The following NUP93 variants were observed in gnomAD, a reference collection of about 807,000 sequenced individuals.
The protein encoded by NUP93 is nucleoporin 93, also known as nuclear pore complex protein Nup93.
NUP93 carries 55 observed loss-of-function variants against 107.8 expected under a neutral mutation model. The observed-to-expected ratio is 0.51, with a 90% confidence interval of 0.41 to 0.64. The LOEUF is 0.64. Ranked by LOEUF, NUP93 falls within the 30% of genes least tolerant of loss-of-function variation. The pLI is 0.00. For synonymous variants in NUP93, 390 were observed against 397.5 expected, an observed-to-expected ratio of 0.98 and a Z score of 0.22; for missense variants, 937 against 1,044.7, an observed-to-expected ratio of 0.90 and a Z score of 1.42.
intron 4 of NUP93, among the ~76,000 whole-genome samples, chr16:56,804,144 G>C (rs1963082001): frequency 6.6e-6 from 1 of 152,120 alleles, no homozygotes; most frequent in Non-Finnish European, 1.5e-5. Context: ...CAGCCTCTAT[G>C]GAAATAGTAT....
At chr16:56,771,055 A>G (rs898392643) in intron 3 of NUP93, among the ~76,000 whole-genome samples, 4 of 152,126 alleles carry the variant, frequency 2.6e-5, no homozygotes, top group African/African-American at 9.7e-5. Flanking sequence ...TTCATGAACA[A>G]CCCTTACATC....
At position 56,781,991 on chromosome 16, in the gene NUP93, A is replaced by G. The variant is rs1383268408; in HGVS notation, c.298-16485A>G. ...TTTGACTCTTTAGTGCTTCAGTCAC[A>G]TCAGCACTTGCAGAGGGGTTGTTCT... On this transcript the variant is annotated intron_variant, in intron 3 of 21. Transcript: ENST00000308159. The G allele has an allele frequency of 7.1e-6, 7 of 985,298 alleles. No homozygotes were observed. The African/African-American group carries it at 8.7e-5, about 12-fold the overall frequency. The allele number at this position is 985,298 out of a possible 1,614,324, so 61.0% of individuals were successfully genotyped here. A position where few individuals can be genotyped will look rare whatever the true frequency, so the allele number is the denominator to read the frequency against.
At chr16:56,743,707 G>A (rs1961774675) in intron 1 of NUP93, among the ~76,000 whole-genome samples, 1 of 152,158 alleles carries the variant, frequency 6.6e-6, no homozygotes, top group African/African-American at 2.4e-5. Flanking sequence ...TCAAAAAACT[G>A]AAAATTGCCA....
Position 56,823,714 on chromosome 16 carries a change from C to G in NUP93, c.662C>G (p.Ser221Cys), listed in dbSNP as rs1394965064. Residue 221 changes from serine to cysteine, a missense_variant, in exon 8 of 22, where the codon TCC becomes TGC. Transcript: ENST00000308159. ...AGTTTCATTTATGTGCAGAGCATTT[C>G]CGACATGTGGACCATGGTAAAACAA... ...SVAELDDKSISDMWTMVKQMT... is the reference protein window; with the variant it reads ...SVAELDDKSICDMWTMVKQMT... 1 of 1,613,932 alleles carries G rather than the reference C, an allele frequency of 6.2e-7. No homozygotes were observed. The highest frequency in any genetic ancestry group is 8.5e-7 in the Non-Finnish European group (1 of 1,179,958).
intron 21 of NUP93, chr16:56,842,593 C>G (rs1310040842): frequency 6.7e-6 from 3 of 449,930 alleles, no homozygotes; most frequent in African/African-American, 6.1e-5. Flanking sequence ...GGCTCTGTTG[C>G]CCAGGCTGGA....
chr16:56,829,584 T>C lies in NUP93; in HGVS notation c.927+475T>C, dbSNP rs113552869. ...AAAGGGTGGCAGGATACAGAGGAGA[T>C]TAGCTGCATAAAGAAGGTGAGATTC... On this transcript the variant is annotated intron_variant, in intron 9 of 21. Transcript: ENST00000308159. Among the ~76,000 whole-genome samples, 1,365 of 152,206 alleles carry C rather than the reference T, an allele frequency of 9.0e-3. 18 individuals carry two copies. The highest frequency in any genetic ancestry group is 0.031 in the African/African-American group (1,287 of 41,518).
chr16:56,797,092 A>G (rs1962917570), intron 3 of NUP93, among the ~76,000 whole-genome samples: 1 of 152,068 alleles, frequency 6.6e-6, no homozygotes, highest in Non-Finnish European at 1.5e-5. Flanking sequence ...CAACATTGTG[A>G]AACCCTGTCT....
intron 17 of NUP93, 38 bp from the exon 18 acceptor site, chr16:56,837,565 ATTACT>A (rs1567413168): frequency 1.4e-5 from 16 of 1,133,370 alleles, no homozygotes; most frequent in Non-Finnish European, 1.7e-5. Flanking sequence ...CCTTTTATTG[ATTACT>A]TTATTGATTG....
intron 3 of NUP93, among the ~76,000 whole-genome samples, chr16:56,797,234 C>T (rs9922951): frequency 0.31 from 47,381 of 152,142 alleles, 7,734 homozygotes; most frequent in East Asian, 0.46. Flanking sequence ...TGTGCCACTG[C>T]ACTCCAGCCT....
chr16:56,789,788 T>C (rs1962713276), intron 3 of NUP93, among the ~76,000 whole-genome samples: 1 of 152,228 alleles, frequency 6.6e-6, no homozygotes, highest in African/African-American at 2.4e-5. Flanking sequence ...ATTTAAAGTA[T>C]TAAAATTTTT....
intron 2 of NUP93, among the ~76,000 whole-genome samples, chr16:56,751,442 A>G (rs548064781): frequency 6.6e-6 from 1 of 152,316 alleles, no homozygotes; most frequent in Admixed American, 6.5e-5. Context: ...TAACCCTGTG[A>G]AAGTGTTATC....
intron 2 of NUP93, among the ~76,000 whole-genome samples, chr16:56,749,889 G>A (rs1686654000): frequency 6.6e-6 from 1 of 152,198 alleles, no homozygotes; most frequent in Non-Finnish European, 1.5e-5. Context: ...TCCCTACACT[G>A]CTTTCTCACA....
At chr16:56,837,435 T>C (rs929038333) in intron 17 of NUP93, among the ~76,000 whole-genome samples, 173 bp from the exon 18 acceptor site, 2 of 152,192 alleles carry the variant, frequency 1.3e-5, no homozygotes. Context: ...TAGTGGTGCA[T>C]GCCTGTAATC....
intron 5 of NUP93, among the ~76,000 whole-genome samples, chr16:56,812,103 C>T (rs1312880893): frequency 2.0e-5 from 3 of 152,134 alleles, no homozygotes; most frequent in African/African-American, 7.2e-5. Context: ...AATACAGAGT[C>T]AGTTAAGAAG....
intron 5 of NUP93, among the ~76,000 whole-genome samples, chr16:56,815,852 AGCTACTACT>A (rs1163616842): frequency 2.0e-5 from 2 of 99,956 alleles, no homozygotes; most frequent in Non-Finnish European, 4.4e-5. Context: ...CAGGATTTCC[AGCTACTACT>A]GCTACTGCTG....
intron 1 of NUP93, among the ~76,000 whole-genome samples, chr16:56,738,656 C>G (rs1961650716): frequency 6.6e-6 from 1 of 152,016 alleles, no homozygotes; most frequent in African/African-American, 2.4e-5. Context: ...TGATGTCTGT[C>G]AAGATTTAAT....
Position 56,805,539 on chromosome 16 carries a change from A to G in NUP93, c.396A>G (p.Ser132=). ...TGGCTGAGGAGTACCATCGGGAGTC[A>G]ATGTTGGTTGAGTGGGAGCAAGTGA... The part of the protein sequence containing the change: ...FGMAEEYHRE[S]MLVEWEQVKQ... The change falls in exon 5 of 22, where the codon TCA becomes TCG. Residue 132 remains serine, a synonymous_variant. Coordinates refer to ENST00000308159, the MANE Select transcript of NUP93 (RefSeq NM_014669.5). The G allele has an allele frequency of 6.2e-7, 1 of 1,613,948 alleles. No individual in the cohort carries two copies. Among genetic ancestry groups the G allele is most frequent in the Non-Finnish European group, 8.5e-7 (1 of 1,179,976 alleles).
At chr16:56,770,801 A>G (rs1379894304) in intron 3 of NUP93, among the ~76,000 whole-genome samples, 5 of 152,078 alleles carry the variant, frequency 3.3e-5, no homozygotes, top group Admixed American at 6.6e-5. Context: ...CAGTAGCTCA[A>G]GCCTGTAATC....
chr16:56,748,559 T>C (rs1961861975), intron 2 of NUP93, 133 bp downstream of exon 2: 1 of 764,268 alleles, frequency 1.3e-6, no homozygotes, highest in African/African-American at 1.7e-5. Flanking sequence ...ACTCAGAAAG[T>C]GTTGTAAACA....
Sources: gnomAD v4.1 joint callset for allele counts (sites outside exome capture counted in the v4.1 genomes callset) on GRCh38, gnomAD v4.1.1 for gene constraint, MANE v1.5 for transcripts, NCBI Gene and HGNC (gene_info 2026-07-23, HGNC 2026-07-21) for gene names.